UGT1A6: variants seen among roughly 807,000 people sequenced by gnomAD.
The protein encoded by UGT1A6 is UDP-glucuronosyltransferase 1A6.
UGT1A6 carries 32 observed loss-of-function variants against 44.4 expected under a neutral mutation model. The observed-to-expected ratio is 0.72, with a 90% CI of 0.54 to 0.97. The LOEUF (loss-of-function observed/expected upper bound fraction) is 0.97, where lower values mean the gene tolerates loss of function less well. Ranked by LOEUF, UGT1A6 falls within the 50% of genes least tolerant of loss-of-function variation. UGT1A6 has a pLI of 0.00. For synonymous variants in UGT1A6, 238 were observed against 248.5 expected (o/e 0.96, Z 0.40); for missense variants, 685 against 661.9 (o/e 1.03, Z -0.38).
chr2:233,769,776 G>A lies in UGT1A6; in HGVS notation c.1301+1337G>A. ...AGGCTAAGGCGGGAGGATTGCTTGAGCCCAGAAGTTGGAGGCTGCTATGAG... is the reference window on the plus strand; with the variant it reads ...AGGCTAAGGCGGGAGGATTGCTTGAACCCAGAAGTTGGAGGCTGCTATGAG... On this transcript the variant is annotated intron_variant, in intron 4 of 4. Transcript: ENST00000305139. This position sits in a 1 kb window ranked among gnomAD's most constrained non-coding sequence, Gnocchi z 4.4. The A allele has an allele frequency of 7.3e-7, 1 of 1,373,770 alleles. No individual in the cohort carries two copies. The allele number at this position is 1,373,770 out of a possible 1,614,324, so 85.1% of individuals were successfully genotyped here. A position where few individuals can be genotyped will look rare whatever the true frequency, so the allele number is the denominator to read the frequency against.
At chr2:233,712,976 G>A (rs750445799) in intron 1 of UGT1A6, 18 of 1,612,962 alleles carry the variant, frequency 1.1e-5, no homozygotes, top group African/African-American at 6.7e-5. Flanking sequence ...GTCAGCTGTC[G>A]GTGGCTTCTG....
intron 1 of UGT1A6, chr2:233,708,774 A>G (rs2076040935): frequency 6.7e-6 from 1 of 149,962 alleles, no homozygotes; most frequent in South Asian, 2.1e-4. Context: ...CCCCAAATCA[A>G]TGCAACCTGT....
chr2:233,772,962 G>T lies in UGT1A6; in HGVS notation c.*403G>T, dbSNP rs1038101651. On this transcript the variant is annotated 3_prime_UTR_variant, in exon 5 of 5. Coordinates refer to ENST00000305139, the MANE Select transcript of UGT1A6 (RefSeq NM_001072.4). ...TTGGCTTCTGCAGATGGTTGCAATT[G>T]ATCCTTAACCAATAATGGTCAGTCC... 6.4e-6 allele frequency: 2 copies of T among 313,106 alleles called. No homozygotes were observed. Among genetic ancestry groups the T allele is most frequent in the Middle Eastern group, 1.1e-3 (1 of 878 alleles). 19.4% of individuals were successfully genotyped at this position (313,106 alleles called of 1,614,324 possible). A position where few individuals can be genotyped will look rare whatever the true frequency, so the allele number is the denominator to read the frequency against.
At chr2:233,767,621 CT>C (rs1156408939) in intron 2 of UGT1A6, among the ~76,000 whole-genome samples, 1 of 152,158 alleles carries the variant, frequency 6.6e-6, no homozygotes, top group Non-Finnish European at 1.5e-5. Context: ...AAGTGCACAG[CT>C]TGATAAATTA....
chr2:233,706,801 G>A (rs2075925244), intron 1 of UGT1A6, among the ~76,000 whole-genome samples: 1 of 152,164 alleles, frequency 6.6e-6, no homozygotes, highest in African/African-American at 2.4e-5. Context: ...GCACCAATTA[G>A]GTTGGGTTGC....
chr2:233,765,271 A>T (rs1304943144), intron 1 of UGT1A6, among the ~76,000 whole-genome samples: 1 of 152,224 alleles, frequency 6.6e-6, no homozygotes, highest in Admixed American at 6.5e-5. Flanking sequence ...TACCCAAAGA[A>T]ATATAAATTA....
chr2:233,755,990 C>G (rs1406862229), intron 1 of UGT1A6: 1 of 152,186 alleles, frequency 6.6e-6, no homozygotes, highest in East Asian at 1.9e-4. Context: ...CTCATGTCAG[C>G]TTCTGCATTC....
intron 1 of UGT1A6, among the ~76,000 whole-genome samples, chr2:233,765,711 T>TTAATAA (rs10664358): frequency 0.086 from 12,799 of 149,198 alleles, 827 homozygotes; most frequent in East Asian, 0.2. Flanking sequence ...ATAATAATAA[T>TTAATAA]TAATAATAAT....
chr2:233,713,196 A>C (rs775448281), intron 1 of UGT1A6: 1 of 1,614,238 alleles, frequency 6.2e-7, no homozygotes, highest in Non-Finnish European at 8.5e-7. Flanking sequence ...GAATATGTAC[A>C]TCAAAGAAGA....
chr2:233,718,782 C>A (rs199517966), intron 1 of UGT1A6: 2 of 1,612,936 alleles, frequency 1.2e-6, no homozygotes, highest in East Asian at 2.2e-5. Flanking sequence ...GCAGGCACAG[C>A]GTGGGGTGGA....
At chr2:233,747,175 C>G in intron 1 of UGT1A6, 1 of 1,599,222 alleles carries the variant, frequency 6.3e-7, no homozygotes, top group Non-Finnish European at 8.5e-7. Flanking sequence ...GGAGGCACAG[C>G]GTGGGGTGGA....
intron 1 of UGT1A6, among the ~76,000 whole-genome samples, chr2:233,704,998 T>C (rs2075816736): frequency 6.6e-6 from 1 of 151,990 alleles, no homozygotes; most frequent in African/African-American, 2.4e-5. Flanking sequence ...TAGCCGGGTA[T>C]GGTGGCAGGC....
At chr2:233,744,071 C>T (rs17864701) in intron 1 of UGT1A6, 146,390 of 490,018 alleles carry the variant, frequency 0.3, 23,171 homozygotes, top group South Asian at 0.39. Context: ...CTATGAGCGC[C>T]TCGCATCCCA....
chr2:233,766,893 T>C (rs1364703426), intron 1 of UGT1A6, 141 bp from the exon 2 acceptor site: 21 of 1,472,754 alleles, frequency 1.4e-5, no homozygotes. Flanking sequence ...AACTTACATA[T>C]TAATAATTTT....
intron 1 of UGT1A6, among the ~76,000 whole-genome samples, chr2:233,716,848 A>G (rs28898605): frequency 0.1 from 15,748 of 152,134 alleles, 927 homozygotes; most frequent in East Asian, 0.2. Context: ...TTCAGCTACC[A>G]CATATGCTGA....
At chr2:233,713,708 T>C in intron 1 of UGT1A6, 4 of 1,613,978 alleles carry the variant, frequency 2.5e-6, no homozygotes, top group Non-Finnish European at 3.4e-6. Context: ...CTGAGCTTTT[T>C]CAGAGAGAGG....
chr2:233,754,024 C>T (rs763970261), intron 1 of UGT1A6, among the ~76,000 whole-genome samples: 4 of 152,198 alleles, frequency 2.6e-5, no homozygotes, highest in Non-Finnish European at 5.9e-5. Flanking sequence ...TGATAGGAAA[C>T]GAATGCATCC....
intron 1 of UGT1A6, among the ~76,000 whole-genome samples, chr2:233,695,570 C>A (rs1024150406): frequency 6.6e-6 from 1 of 151,936 alleles, no homozygotes; most frequent in Non-Finnish European, 1.5e-5. Flanking sequence ...TTTCACCCCC[C>A]CTTCCCTACT....
chr2:233,702,748 T>C (rs1467239374), intron 1 of UGT1A6, among the ~76,000 whole-genome samples: 1 of 152,228 alleles, frequency 6.6e-6, no homozygotes, highest in African/African-American at 2.4e-5. Context: ...GGTCCCCTAT[T>C]CTAGTGATAT....
Sources: allele counts gnomAD v4.1 joint callset (sites outside exome capture counted in the v4.1 genomes callset), GRCh38; gene constraint gnomAD v4.1.1; non-coding constraint Gnocchi (gnomAD v3.1); transcripts MANE v1.5; gene names NCBI Gene and HGNC (gene_info 2026-07-23, HGNC 2026-07-21).